ANKRD13C: variants seen among roughly 807,000 people sequenced by gnomAD.
The protein encoded by ANKRD13C is ankyrin repeat domain 13C.
ANKRD13C carries 16 observed loss-of-function variants against 65.5 expected under a neutral mutation model. The ratio of observed to expected loss-of-function variants is 0.24; its 90% CI spans 0.17 to 0.37. The LOEUF is 0.37. ANKRD13C is among the 10% of genes least tolerant of loss of function. The pLI is 1.00. For missense variants in ANKRD13C, 503 were observed against 655.9 expected, an observed-to-expected ratio of 0.77 and a Z score of 2.55; for synonymous variants, 235 against 238.7, an observed-to-expected ratio of 0.98 and a Z score of 0.14.
chr1:70,268,623 G>A (rs1678736241), intron 12 of ANKRD13C, among the ~76,000 whole-genome samples: 1 of 152,220 alleles, frequency 6.6e-6, no homozygotes. Context: ...GTTGGAAGTA[G>A]TGAGGGAGGT....
chr1:70,297,600 C>T (rs1012634342), intron 7 of ANKRD13C, among the ~76,000 whole-genome samples: 1 of 148,632 alleles, frequency 6.7e-6, no homozygotes, highest in East Asian at 2.1e-4. Flanking sequence ...CCCATATAGT[C>T]CCTTCCTGAA....
At chr1:70,270,488 GAT>G (rs1491024967) in intron 12 of ANKRD13C, among the ~76,000 whole-genome samples, 2 of 152,192 alleles carry the variant, frequency 1.3e-5, no homozygotes, top group African/African-American at 2.4e-5. Flanking sequence ...TTTCGTGAAA[GAT>G]AATTTTTCCA....
intron 12 of ANKRD13C, among the ~76,000 whole-genome samples, chr1:70,265,382 G>A (rs959207024): frequency 1.3e-5 from 2 of 152,134 alleles, no homozygotes; most frequent in Non-Finnish European, 2.9e-5. Flanking sequence ...AAATCTTGAA[G>A]AGATTAGTAT....
chr1:70,297,160 A>G (rs901070779), intron 7 of ANKRD13C, among the ~76,000 whole-genome samples: 1 of 152,040 alleles, frequency 6.6e-6, no homozygotes, highest in South Asian at 2.1e-4. Flanking sequence ...CTGGAGAATA[A>G]TAACAGTCCC....
At position 70,352,639 on chromosome 1, in the gene ANKRD13C, A is replaced by T. The variant is rs201157875; in HGVS notation, c.430+1340T>A. Among the ~76,000 whole-genome samples the T allele has an allele frequency of 1.7e-4, 26 of 152,330 alleles. No individual in the cohort carries two copies. In the East Asian group the frequency reaches 4.4e-3, roughly 26 times the overall value. On this transcript the variant is annotated intron_variant, in intron 1 of 12. Transcript: ENST00000370944. ...CAAATTTGAAAAACTTCCTCATAAT[A>T]GACTAATAAACTGAAGCTACAACCC...
chr1:70,336,215 C>A, intron 1 of ANKRD13C, 116 bp from the exon 2 acceptor site: 1 of 261,354 alleles, frequency 3.8e-6, no homozygotes, highest in Non-Finnish European at 7.5e-6. Flanking sequence ...AGCAAAAATA[C>A]TGTGACTGCA....
intron 9 of ANKRD13C, among the ~76,000 whole-genome samples, chr1:70,278,628 C>T (rs1679248595): frequency 6.6e-6 from 1 of 152,072 alleles, no homozygotes; most frequent in African/African-American, 2.4e-5. Context: ...AAGTGAAAGA[C>T]TAATATGAAT....
intron 5 of ANKRD13C, among the ~76,000 whole-genome samples, chr1:70,311,206 A>G (rs1385037636): frequency 1.3e-5 from 2 of 152,198 alleles, no homozygotes; most frequent in Non-Finnish European, 2.9e-5. Context: ...TTGAATAAAA[A>G]TGATGGCTGG....
intron 6 of ANKRD13C, among the ~76,000 whole-genome samples, chr1:70,305,306 A>G (rs1680542103): frequency 6.6e-6 from 1 of 152,206 alleles, no homozygotes; most frequent in African/African-American, 2.4e-5. Flanking sequence ...AAGAACAACA[A>G]ACAAGAAGTC....
intron 1 of ANKRD13C, among the ~76,000 whole-genome samples, chr1:70,338,054 G>C (rs1682130260): frequency 6.6e-6 from 1 of 151,914 alleles, no homozygotes; most frequent in African/African-American, 2.4e-5. Flanking sequence ...AACCAAGATG[G>C]CGGCAATGCA....
At chr1:70,312,317 A>T (rs1181938024) in intron 5 of ANKRD13C, among the ~76,000 whole-genome samples, 1 of 151,786 alleles carries the variant, frequency 6.6e-6, no homozygotes, top group Non-Finnish European at 1.5e-5. Flanking sequence ...ATTAAGTTGC[A>T]TTTATTGACC....
chr1:70,306,422 C>T, intron 5 of ANKRD13C, 132 bp from the exon 6 acceptor site: 1 of 513,020 alleles, frequency 1.9e-6, no homozygotes, highest in Non-Finnish European at 3.2e-6. Context: ...AGTATTTTTC[C>T]ATTTAAAAAT....
chr1:70,293,451 C>T, intron 8 of ANKRD13C: 1 of 626,326 alleles, frequency 1.6e-6, no homozygotes, highest in Non-Finnish European at 2.0e-6. Context: ...GCATTCTGCA[C>T]CTGTTTCTAC....
intron 12 of ANKRD13C, among the ~76,000 whole-genome samples, chr1:70,265,855 AAG>A (rs1678601868): frequency 6.8e-6 from 1 of 147,788 alleles, no homozygotes; most frequent in Non-Finnish European, 1.5e-5. Flanking sequence ...AAAAAAAGAA[AAG>A]AAAAGAAAAG....
Position 70,260,068 on chromosome 1 carries a change from C to T in ANKRD13C, c.*2649G>A, listed in dbSNP as rs1558251876. Among the ~76,000 whole-genome samples the T allele has an allele frequency of 1.3e-5, 2 of 152,092 alleles. No individual in the cohort carries two copies. The highest frequency in any genetic ancestry group is 2.9e-5 in the Non-Finnish European group (2 of 67,996). ...CTGTATGTGAATACTACTATAAAAACCCATTTTTATTAGCATGAGTGGGGC... is the reference window on the plus strand; with the variant it reads ...CTGTATGTGAATACTACTATAAAAATCCATTTTTATTAGCATGAGTGGGGC... On this transcript the variant is annotated 3_prime_UTR_variant, in exon 13 of 13. Coordinates refer to ENST00000370944, the MANE Select transcript of ANKRD13C (RefSeq NM_030816.5).
intron 11 of ANKRD13C, among the ~76,000 whole-genome samples, chr1:70,272,227 A>G (rs1220368585): frequency 1.5e-5 from 2 of 135,836 alleles, no homozygotes; most frequent in Non-Finnish European, 3.2e-5. Flanking sequence ...TGTGTTCTCT[A>G]TTTCTTTTTT....
At chr1:70,329,495 T>C (rs1009693365) in intron 2 of ANKRD13C, among the ~76,000 whole-genome samples, 1 of 150,870 alleles carries the variant, frequency 6.6e-6, no homozygotes, top group Non-Finnish European at 1.5e-5. Flanking sequence ...CACTCCAGCC[T>C]GGGCAACAAA....
At chr1:70,265,899 G>A (rs1012576618) in intron 12 of ANKRD13C, among the ~76,000 whole-genome samples, 7 of 148,654 alleles carry the variant, frequency 4.7e-5, no homozygotes, top group African/African-American at 1.2e-4. Context: ...TGGAGGGAGG[G>A]AAAGAGGACG....
At chr1:70,343,879 G>A (rs1218806906) in intron 1 of ANKRD13C, among the ~76,000 whole-genome samples, 1 of 152,212 alleles carries the variant, frequency 6.6e-6, no homozygotes, top group African/African-American at 2.4e-5. Flanking sequence ...GGCCGGTACA[G>A]TGGCTGCAGC....
Sources: gnomAD v4.1 joint callset for allele counts (sites outside exome capture counted in the v4.1 genomes callset) on GRCh38, gnomAD v4.1.1 for gene constraint, MANE v1.5 for transcripts, NCBI Gene and HGNC (gene_info 2026-07-23, HGNC 2026-07-21) for gene names.